The following CRYBG1 variants were observed in gnomAD, a reference collection of about 807,000 sequenced individuals.
CRYBG1 encodes the protein beta/gamma crystallin domain-containing protein 1.
Under a neutral mutation model 189.2 loss-of-function variants are expected in CRYBG1, and 139 were observed. That is an observed-to-expected ratio of 0.73 (90% CI 0.64 to 0.85). The LOEUF (loss-of-function observed/expected upper bound fraction) is 0.85, where lower values mean the gene tolerates loss of function less well. Among genes scored for constraint, CRYBG1 ranks in the 40% least tolerant of loss-of-function variants. CRYBG1 has a pLI of 0.00. For missense variants in CRYBG1, 2,611 were observed against 2,675.8 expected (o/e 0.98, Z 0.53); for synonymous variants, 1,023 against 1,017.1 (o/e 1.01, Z -0.11).
intron 2 of CRYBG1, among the ~76,000 whole-genome samples, chr6:106,482,588 A>G (rs943609327): frequency 6.6e-6 from 1 of 152,082 alleles, no homozygotes; most frequent in African/African-American, 2.4e-5. Context: ...ATCCTGGCTA[A>G]CACCGTGAAA....
At chr6:106,410,961 T>G (rs1341154227) in intron 1 of CRYBG1, among the ~76,000 whole-genome samples, 4 of 152,196 alleles carry the variant, frequency 2.6e-5, no homozygotes, top group Non-Finnish European at 5.9e-5. Flanking sequence ...ATAATGCCTA[T>G]GTAACAAACC....
intron 1 of CRYBG1, among the ~76,000 whole-genome samples, chr6:106,370,979 T>C (rs1770013799): frequency 6.6e-6 from 1 of 152,192 alleles, no homozygotes; most frequent in Non-Finnish European, 1.5e-5. Context: ...GTTTCTACTA[T>C]AATTAGTACC....
chr6:106,493,618 G>T (rs1772774366), intron 2 of CRYBG1, among the ~76,000 whole-genome samples: 1 of 152,176 alleles, frequency 6.6e-6, no homozygotes, highest in Non-Finnish European at 1.5e-5. Context: ...AATGGATAAA[G>T]AATATGTGCT....
Position 106,520,652 on chromosome 6 carries a change from A to G in CRYBG1, c.3444A>G (p.Leu1148=). ...FAMPPIHEDH[L]EKVFDPKVFT... is the part of the protein sequence containing the mutation. ...TGCCTCCTATTCACGAAGACCATTT[A>G]GAAAAGGTGTTTGATCCCAAAGTGT... The change falls in exon 4 of 22, where the codon TTA becomes TTG. Residue 1148 remains leucine, a synonymous_variant. Coordinates refer to ENST00000633556, the MANE Select transcript of CRYBG1 (RefSeq NM_001371242.2). 6.2e-7 allele frequency: 1 copy of G among 1,614,228 alleles called. No individual in the cohort carries two copies. Among genetic ancestry groups the G allele is most frequent in the South Asian group, 1.1e-5 (1 of 91,088 alleles).
rs376513972 is a variant in CRYBG1 at position 106,544,602 on chromosome 6, G to A, written c.5071G>A (p.Gly1691Ser). The A allele has an allele frequency of 7.3e-5, 117 of 1,613,782 alleles. No homozygotes were observed. In the African/African-American group the frequency reaches 9.7e-4, roughly 13 times the overall value. ...WVAYEKPGFT[G>S]HQYLLEEGEY... ...TGCATATGAGAAACCTGGATTTACC[G>A]GTCATCAGTATTTGCTAGAAGAAGG... The change falls in exon 12 of 22, where the codon GGT becomes AGT. Residue 1691 changes from glycine to serine, a missense_variant. By Grantham distance (56) the Gly-to-Ser change is moderately conservative (BLOSUM62 0). Coordinates refer to ENST00000633556, the MANE Select transcript of CRYBG1 (RefSeq NM_001371242.2).
intron 16 of CRYBG1, among the ~76,000 whole-genome samples, chr6:106,554,241 C>T (rs1770733): frequency 0.94 from 143,787 of 152,314 alleles, 67,954 homozygotes; most frequent in African/African-American, 0.98. Flanking sequence ...CCTTTAATCA[C>T]GTGGTTCTTT....
At chr6:106,499,473 T>C (rs903097745) in intron 2 of CRYBG1, among the ~76,000 whole-genome samples, 3 of 150,108 alleles carry the variant, frequency 2.0e-5, no homozygotes, top group Admixed American at 6.6e-5. Flanking sequence ...GTGTGTTTTT[T>C]TACTTAAAAA....
chr6:106,478,001 C>T (rs74371164), intron 2 of CRYBG1, among the ~76,000 whole-genome samples: 8,795 of 152,300 alleles, frequency 0.058, 372 homozygotes, highest in Admixed American at 0.12. Context: ...GAGGAGGGCA[C>T]GGCTGTTGTT....
In CRYBG1 at chr6:106,527,347, C is replaced by A; in HGVS notation, c.4455C>A (p.Ile1485=). Residue 1485 remains isoleucine (I), a synonymous_variant, in exon 7 of 22, where the codon ATC becomes ATA. Transcript: ENST00000633556. ...YEQPNFEGHS[I]PLEEGELELS... ...AACCAAATTTTGAAGGGCACTCCAT[C>A]CCCTTAGAAGAAGGAGAATTGGAAC... 1 of 1,612,990 alleles carries A rather than the reference C, an allele frequency of 6.2e-7. No homozygotes were observed. The highest frequency in any genetic ancestry group is 8.5e-7 in the Non-Finnish European group (1 of 1,179,422).
At chr6:106,530,738 T>C (rs1773860346) in intron 8 of CRYBG1, among the ~76,000 whole-genome samples, 1 of 152,060 alleles carries the variant, frequency 6.6e-6, no homozygotes. Context: ...TCAAAGCCCC[T>C]AGGAGGTTGG....
chr6:106,424,705 G>A (rs181663689), intron 1 of CRYBG1, among the ~76,000 whole-genome samples: 16 of 151,962 alleles, frequency 1.1e-4, no homozygotes, highest in East Asian at 5.8e-4. Context: ...CAGGCGATCC[G>A]CCTGCCTCAG....
At chr6:106,442,690 C>T (rs1562308443) in intron 1 of CRYBG1, among the ~76,000 whole-genome samples, 2 of 152,158 alleles carry the variant, frequency 1.3e-5, no homozygotes, top group Non-Finnish European at 2.9e-5. Context: ...ATTCACTCAG[C>T]CAGCAAACTC....
intron 3 of CRYBG1, 40 bp from the exon 4 acceptor site, chr6:106,519,091 A>G (rs763567186): frequency 6.4e-6 from 10 of 1,557,710 alleles, no homozygotes; most frequent in Non-Finnish European, 8.6e-6. Context: ...ACTTTTTAAA[A>G]CTAGGTCAAT....
intron 2 of CRYBG1, among the ~76,000 whole-genome samples, chr6:106,477,355 G>A (rs1772352636): frequency 6.6e-6 from 1 of 152,184 alleles, no homozygotes; most frequent in South Asian, 2.1e-4. Flanking sequence ...AGACATGAAG[G>A]AAGTGGTTCT....
intron 1 of CRYBG1, among the ~76,000 whole-genome samples, chr6:106,434,570 C>T (rs374827513): frequency 1.1e-4 from 17 of 152,322 alleles, no homozygotes; most frequent in East Asian, 9.6e-4. Flanking sequence ...AGCCTCTAGA[C>T]TCCTAAAACA....
rs2306100 is a variant in CRYBG1, at chr6:106,530,438, G to A, written c.4718+123G>A. On this transcript the variant is annotated intron_variant, in intron 8 of 21. Coordinates refer to ENST00000633556, the MANE Select transcript of CRYBG1 (RefSeq NM_001371242.2). ...CCTGTTAAGTAATTATTAACTGTAA[G>A]GTATATTTTTATAAGGCACGTAAAA... The A allele has an allele frequency of 4.0e-4, 379 of 953,148 alleles. 2 individuals carry two copies. In the East Asian group the frequency reaches 6.5e-3, roughly 16 times the overall value. 59.0% of individuals were successfully genotyped at this position (953,148 alleles called of 1,614,324 possible).
At chr6:106,462,457 C>A (rs1198631267) in intron 2 of CRYBG1, among the ~76,000 whole-genome samples, 6 of 152,188 alleles carry the variant, frequency 3.9e-5, no homozygotes, top group Non-Finnish European at 8.8e-5. Context: ...CCGCGCCCGG[C>A]CTTTTCTGAG....
chr6:106,515,807 T>G (rs1227205022), intron 3 of CRYBG1, among the ~76,000 whole-genome samples: 6 of 142,098 alleles, frequency 4.2e-5, no homozygotes, highest in Non-Finnish European at 9.3e-5. Flanking sequence ...ATTTATTTAT[T>G]TTTGAGACAG....
At chr6:106,524,642 T>C (rs145635653) in intron 4 of CRYBG1, among the ~76,000 whole-genome samples, 109 of 152,328 alleles carry the variant, frequency 7.2e-4, no homozygotes, top group African/African-American at 2.5e-3. Context: ...AACACTTCTA[T>C]TTAGACTAGT....
Sources: gnomAD v4.1 joint callset for allele counts (sites outside exome capture counted in the v4.1 genomes callset) on GRCh38, gnomAD v4.1.1 for gene constraint, MANE v1.5 for transcripts, NCBI Gene and HGNC (gene_info 2026-07-23, HGNC 2026-07-21) for gene names.